Variants in CA11 observed in about 807,000 individuals in gnomAD.
The protein encoded by CA11 is carbonic anhydrase 11 (inactive), also known as carbonic anhydrase-related protein 11.
Under a neutral mutation model 39.3 loss-of-function variants are expected in CA11, and 20 were observed. The ratio of observed to expected loss-of-function variants is 0.51; its 90% CI spans 0.36 to 0.74. The LOEUF (loss-of-function observed/expected upper bound fraction) is 0.74, where lower values mean the gene tolerates loss of function less well. Among genes scored for constraint, CA11 ranks in the 30% least tolerant of loss-of-function variants. The pLI is 0.00. For missense variants in CA11, 336 were observed against 424.6 expected (o/e 0.79, Z 1.83); for synonymous variants, 166 against 172.5 (o/e 0.96, Z 0.29).
chr19:48,645,470 G>A lies in CA11; in HGVS notation c.75C>T (p.Ile25=), dbSNP rs200820630. Residue 25 remains isoleucine (I), a synonymous_variant, in exon 2 of 9, where the codon ATC becomes ATT. Transcript: ENST00000084798. ...LWAALGAAAH[I]GPAPDPEDWW... ...AGTCCTCGGGGTCAGGTGCTGGTCC[G>A]ATGTGAGCTGGGAAGAGAGCAGCCT... 1.2e-5 allele frequency: 20 copies of A among 1,603,152 alleles called. No homozygotes were observed. In the South Asian group the frequency reaches 2.1e-4, roughly 17 times the overall value.
chr19:48,644,583 CGGAGTAGGAGGACAA>C lies in CA11; in HGVS notation c.143-29_143-15del, dbSNP rs2031190595. On this transcript the variant is annotated splice_polypyrimidine_tract_variant and intron_variant, in intron 2 of 8. Transcript: ENST00000084798. Reference sequence around the variant, plus strand: ...AGAAAGGAGGCCCTGGGGGTGGGGTCGGAGTAGGAGGACAAGGAGTCAGAAATAGAGACTGGATCC... The same window carrying C: ...AGAAAGGAGGCCCTGGGGGTGGGGTCGGAGTCAGAAATAGAGACTGGATCC... 6.4e-7 allele frequency: 1 copy of C among 1,559,946 alleles called. No individual in the cohort carries two copies. The highest frequency in any genetic ancestry group is 2.3e-5 in the East Asian group (1 of 43,962).
At position 48,640,171 on chromosome 19, in the gene CA11, T is replaced by G. The variant is rs2031023463; in HGVS notation, c.395A>C (p.Glu132Ala). 1 of 1,614,074 alleles carries G rather than the reference T, an allele frequency of 6.2e-7. No individual in the cohort carries two copies. Among genetic ancestry groups the G allele is most frequent in the East Asian group, 2.2e-5 (1 of 44,876 alleles). ...GPLLYSHRLS[E>A]LRLLFGARDG... ...GCGAGCTCCAAACAGCAGCCGCAGT[T>G]CACTGAGTCGGTGGCTGTAAAGGAG... Residue 132 changes from glutamate to alanine, a missense_variant, in exon 4 of 9, where the codon GAA (glutamate) becomes GCA (alanine). Physicochemically the swap from Glu to Ala is moderately radical, Grantham distance 107. Coordinates refer to ENST00000084798, the MANE Select transcript of CA11 (RefSeq NM_001217.5).
intron 4 of CA11, 104 bp from the exon 5 acceptor site, chr19:48,639,987 A>C: frequency 6.7e-7 from 1 of 1,492,892 alleles, no homozygotes; most frequent in Non-Finnish European, 9.3e-7. Flanking sequence ...TTAGGGTGGG[A>C]GGCCAGTTCT....
At chr19:48,641,687 C>G (rs1369187926) in intron 3 of CA11, among the ~76,000 whole-genome samples, 31 of 152,010 alleles carry the variant, frequency 2.0e-4, no homozygotes, top group Admixed American at 2.0e-3. Context: ...TTCTGGCACC[C>G]AGGCTAGATT....
chr19:48,644,443 C>A lies in CA11; in HGVS notation c.269G>T (p.Ser90Ile). 1 of 1,604,980 alleles carries A rather than the reference C, an allele frequency of 6.2e-7. No individual in the cohort carries two copies. Residue 90 changes from serine to isoleucine, a missense_variant, in exon 3 of 9, where the codon AGC becomes ATC. Ser to Ile is a moderately radical substitution (Grantham distance 142). Transcript: ENST00000084798. ...YDPFLPPLRL[S>I]TGGEKLRGTL... ...GCCCCTTACCTTCTCTCCTCCAGTG[C>A]TGAGCCTTAATGGGGGCAGAAAGGG... is the stretch of plus-strand genomic sequence containing the variant.
Position 48,638,050 on chromosome 19 carries a change from T to G in CA11, c.*69A>C. ...TATTCTGTCCCTTTAATAGCTTTGT[T>G]TTAGGGGTAACTCCCCTCGCCTTGT... On this transcript the variant is annotated 3_prime_UTR_variant, in exon 9 of 9. Transcript: ENST00000084798. The G allele has an allele frequency of 1.7e-6, 2 of 1,176,842 alleles. No individual in the cohort carries two copies. Among genetic ancestry groups the G allele is most frequent in the Non-Finnish European group, 2.3e-6 (2 of 862,316 alleles). 72.9% of individuals were successfully genotyped at this position (1,176,842 alleles called of 1,614,324 possible). A position where few individuals can be genotyped will look rare whatever the true frequency, so the allele number is the denominator to read the frequency against.
At position 48,643,630 on chromosome 19, in the gene CA11, C is replaced by CA. The variant is rs1169751929; in HGVS notation, c.285+796dup. ...GGGTCACAGAGTGAGATCCCAATTC[C>CA]AAAAAAAAAAAAAAAAAGTATGGTT... On this transcript the variant is annotated intron_variant, in intron 3 of 8. Transcript: ENST00000084798. This position sits in a 1 kb window ranked among gnomAD's most constrained non-coding sequence, Gnocchi z 4.3. Among the ~76,000 whole-genome samples the CA allele has an allele frequency of 3.4e-3, 375 of 109,348 alleles. No homozygotes were observed. Among genetic ancestry groups the CA allele is most frequent in the African/African-American group, 6.2e-3 (180 of 29,056 alleles). 71.7% of individuals were successfully genotyped at this position (109,348 alleles called of 152,430 possible). A position where few individuals can be genotyped will look rare whatever the true frequency, so the allele number is the denominator to read the frequency against.
chr19:48,639,351 A>G lies in CA11; in HGVS notation c.749T>C (p.Val250Ala). ...GGCCCGGTCAATGAGGATCCAGGTG[A>G]CAGTCTCGGAGCAGGGCGGGGTGCT... Reference protein sequence around the residue: ...SLSTPPCSETVTWILIDRALN... With the variant: ...SLSTPPCSETATWILIDRALN... Residue 250 changes from valine (V) to alanine (A), a missense_variant, in exon 7 of 9, where the codon GTC becomes GCC. By Grantham distance (64) the Val-to-Ala change is moderately conservative. Coordinates refer to ENST00000084798, the MANE Select transcript of CA11 (RefSeq NM_001217.5). 1 of 1,613,720 alleles carries G rather than the reference A, an allele frequency of 6.2e-7. No individual in the cohort carries two copies.
At chr19:48,639,152 T>G in intron 7 of CA11, 99 bp from the exon 8 acceptor site, 1 of 1,538,948 alleles carries the variant, frequency 6.5e-7, no homozygotes, top group South Asian at 1.2e-5. Context: ...GGGCGGGGTC[T>G]GTTCTCAGCC....
chr19:48,641,584 G>A (rs1309377717), intron 3 of CA11, among the ~76,000 whole-genome samples: 3 of 152,100 alleles, frequency 2.0e-5, no homozygotes, highest in African/African-American at 7.2e-5. Flanking sequence ...GGTGTCATGG[G>A]GAGCTCAGCT....
rs1291580511 is a variant in CA11 at position 48,638,136 on chromosome 19, C to A, written c.970G>T (p.Val324Phe). The A allele has an allele frequency of 8.0e-7, 1 of 1,246,360 alleles. No homozygotes were observed. 77.2% of individuals were successfully genotyped at this position (1,246,360 alleles called of 1,614,324 possible). The change falls in exon 9 of 9, where the codon GTC becomes TTC. Residue 324 changes from valine to phenylalanine, a missense_variant. Coordinates refer to ENST00000084798, the MANE Select transcript of CA11 (RefSeq NM_001217.5). The stretch of plus-strand genomic sequence containing the variant: ...GGGGAGTCTCAGCGACCATGGGGGA[C>A]ACCATCCACTGTAAGACAGAGAACA... ...GPNYRLHVDG[V>F]PHGR
intron 2 of CA11, 94 bp downstream of exon 2, chr19:48,645,309 T>TG (rs896540792): frequency 1.5e-4 from 172 of 1,124,494 alleles, no homozygotes; most frequent in Middle Eastern, 1.5e-3. Context: ...CTCCTGGTCC[T>TG]GGGGGGGAGG....
intron 3 of CA11, among the ~76,000 whole-genome samples, chr19:48,640,810 G>C (rs1243317700): frequency 6.6e-6 from 1 of 152,046 alleles, no homozygotes; most frequent in Non-Finnish European, 1.5e-5. Flanking sequence ...GAGTGGCTGG[G>C]ACTACAGGCG....
chr19:48,642,371 C>T (rs576732833), intron 3 of CA11, among the ~76,000 whole-genome samples: 7 of 151,978 alleles, frequency 4.6e-5, no homozygotes, highest in Non-Finnish European at 7.4e-5. Flanking sequence ...TGGCGGTGGG[C>T]GCCTGTAATC....
rs544570643 is a variant in CA11 at position 48,643,859 on chromosome 19, C to T, written c.285+568G>A. On this transcript the variant is annotated intron_variant, in intron 3 of 8. Transcript: ENST00000084798. This position sits in a 1 kb window ranked among gnomAD's most constrained non-coding sequence, Gnocchi z 4.3. ...CTGTAATCCTAGCACTTTGGGAGGCCGAGGCAGGTGGATCACCTGAGGTCA... is the reference window on the plus strand; with the variant it reads ...CTGTAATCCTAGCACTTTGGGAGGCTGAGGCAGGTGGATCACCTGAGGTCA... Among the ~76,000 whole-genome samples the T allele has an allele frequency of 5.3e-5, 8 of 151,698 alleles. No individual in the cohort carries two copies. The highest frequency in any genetic ancestry group is 1.9e-4 in the East Asian group (1 of 5,136).
In CA11 at chr19:48,639,590, C is replaced by T. The variant is rs2030999116; in HGVS notation, c.599G>A (p.Arg200His). The change falls in exon 6 of 9, where the codon CGC becomes CAC. Residue 200 changes from arginine (R) to histidine (H), a missense_variant. Coordinates refer to ENST00000084798, the MANE Select transcript of CA11 (RefSeq NM_001217.5). ...VASTSNPFLSRLLNRDTITRI... is the reference protein window; with the variant it reads ...VASTSNPFLSHLLNRDTITRI... The stretch of plus-strand genomic sequence containing the variant: ...AGTGATGGTGTCGCGGTTAAGGAGG[C>T]GACTGAGGAATGGGTTAGAGGTACT... 17 of 1,613,890 alleles carry T rather than the reference C, an allele frequency of 1.1e-5. No homozygotes were observed. The highest frequency in any genetic ancestry group is 1.4e-5 in the Non-Finnish European group (17 of 1,179,938).
chr19:48,638,164 G>C lies in CA11; in HGVS notation c.962-20C>G. 1 of 1,331,266 alleles carries C rather than the reference G, an allele frequency of 7.5e-7. No individual in the cohort carries two copies. The highest frequency in any genetic ancestry group is 9.7e-7 in the Non-Finnish European group (1 of 1,029,152). 82.5% of individuals were successfully genotyped at this position (1,331,266 alleles called of 1,614,324 possible). ...CATCCACTGTAAGACAGAGAACAAC[G>C]GCAGGGGGCGTCAGTATAGGATGGA... On this transcript the variant is annotated intron_variant, in intron 8 of 8. Coordinates refer to ENST00000084798, the MANE Select transcript of CA11 (RefSeq NM_001217.5).
At chr19:48,640,505 G>T (rs1481374588) in intron 3 of CA11, among the ~76,000 whole-genome samples, 1 of 151,206 alleles carries the variant, frequency 6.6e-6, no homozygotes, top group Admixed American at 6.6e-5. Context: ...CTTCCGAGTA[G>T]CTGGGATTAC....
chr19:48,644,631 G>T, intron 2 of CA11, 62 bp from the exon 3 acceptor site: 3 of 1,384,458 alleles, frequency 2.2e-6, no homozygotes, highest in Middle Eastern at 2.6e-4. Flanking sequence ...TCCCAGGGCT[G>T]GTATCTGCTG....
Sources: allele counts gnomAD v4.1 joint callset (sites outside exome capture counted in the v4.1 genomes callset), GRCh38; gene constraint gnomAD v4.1.1; non-coding constraint Gnocchi (gnomAD v3.1); transcripts MANE v1.5; gene names NCBI Gene and HGNC (gene_info 2026-07-23, HGNC 2026-07-21).